GRM4: variants seen among roughly 807,000 people sequenced by gnomAD.
The protein encoded by GRM4 is glutamate metabotropic receptor 4.
Under a neutral mutation model 81.7 loss-of-function variants are expected in GRM4, and 28 were observed. The observed-to-expected ratio is 0.34, with a 90% CI of 0.25 to 0.47. The LOEUF is 0.47. Ranked by LOEUF, GRM4 falls within the 20% of genes least tolerant of loss-of-function variation. GRM4 has a pLI of 1.00. For missense variants in GRM4, 948 were observed against 1,290.0 expected, an observed-to-expected ratio of 0.73 and a Z score of 4.06; for synonymous variants, 488 against 528.8, an observed-to-expected ratio of 0.92 and a Z score of 1.06.
chr6:34,041,653 A>G (rs12111392), intron 6 of GRM4, among the ~76,000 whole-genome samples: 53,557 of 152,012 alleles, frequency 0.35, 12,139 homozygotes, highest in African/African-American at 0.65. Context: ...AAAACACTTG[A>G]CAGCCAGCAG....
In GRM4 at chr6:34,115,556, G is replaced by A. The variant is rs1216455335; in HGVS notation, c.519+17422C>T. Among the ~76,000 whole-genome samples the A allele has an allele frequency of 2.0e-5, 3 of 152,128 alleles. No homozygotes were observed. Among genetic ancestry groups the A allele is most frequent in the Non-Finnish European group, 2.9e-5 (2 of 68,034 alleles). ...GGACCTTGGACAGCAGCCTCCAGGG[G>A]TCTGCCCGAAGACACTCGGCAAACC... On this transcript the variant is annotated intron_variant, in intron 2 of 10. Coordinates refer to ENST00000538487, the MANE Select transcript of GRM4 (RefSeq NM_000841.4). This position sits in a 1 kb window ranked among gnomAD's most constrained non-coding sequence, Gnocchi z 4.1.
rs1766766020 is a variant in GRM4, at chr6:34,070,548, C to T, written c.737-8520G>A. Among the ~76,000 whole-genome samples, 1 of 151,928 alleles carries T rather than the reference C, an allele frequency of 6.6e-6. No individual in the cohort carries two copies. The highest frequency in any genetic ancestry group is 6.6e-5 in the Admixed American group (1 of 15,254). On this transcript the variant is annotated intron_variant, in intron 3 of 10. Transcript: ENST00000538487. The surrounding 1 kb of genome is among the most constrained non-coding windows in gnomAD (Gnocchi z 4.6). ...TAGTGGTGTTTGTGCAGGTCTGCCC[C>T]CTGGAGCCAACACCTCTGGGGAGCG...
rs201101810 is a variant in GRM4 at position 34,035,731 on chromosome 6, G to A, written c.2379C>T (p.Thr793=). Residue 793 remains threonine (T), a synonymous_variant, in exon 9 of 11, where the codon ACC becomes ACT. Coordinates refer to ENST00000538487, the MANE Select transcript of GRM4 (RefSeq NM_000841.4). This position sits in a 1 kb window ranked among gnomAD's most constrained non-coding sequence, Gnocchi z 6.6. ...TGAAGGCCAGCCAGACGATGCAAGT[G>A]GTGTACATGGTGAAGCCAATGGGCT... is the stretch of plus-strand genomic sequence containing the variant. The part of the protein sequence containing the change: ...EAKPIGFTMY[T]TCIVWLAFIP... 58 of 1,606,234 alleles carry A rather than the reference G, an allele frequency of 3.6e-5. No individual in the cohort carries two copies. The East Asian group carries it at 1.2e-3, about 32-fold the overall frequency.
rs1023712960 is a variant in GRM4, at chr6:34,092,445, G to A, written c.520-346C>T. On this transcript the variant is annotated intron_variant, in intron 2 of 10. Coordinates refer to ENST00000538487, the MANE Select transcript of GRM4 (RefSeq NM_000841.4). This position sits in a 1 kb window ranked among gnomAD's most constrained non-coding sequence, Gnocchi z 6.8. The stretch of plus-strand genomic sequence containing the variant: ...CATACGTGAGATGATTCAGCCTGGG[G>A]ATGGGGTGGGATTTGGGTGTTGGGA... 2.0e-5 allele frequency among the ~76,000 whole-genome samples: 3 copies of A among 152,176 alleles called. No individual in the cohort carries two copies. The highest frequency in any genetic ancestry group is 6.5e-5 in the Admixed American group (1 of 15,282).
intron 2 of GRM4, among the ~76,000 whole-genome samples, chr6:34,107,321 C>A (rs1477818058): frequency 1.3e-5 from 2 of 152,138 alleles, no homozygotes; most frequent in Admixed American, 1.3e-4. Context: ...ATGGCTCCAC[C>A]CCATGATGGA....
At chr6:34,085,640 T>C (rs1767844551) in intron 3 of GRM4, among the ~76,000 whole-genome samples, 1 of 152,138 alleles carries the variant, frequency 6.6e-6, no homozygotes, top group African/African-American at 2.4e-5. Flanking sequence ...AATTAACCAT[T>C]CATTCAACAA....
intron 10 of GRM4, among the ~76,000 whole-genome samples, chr6:34,026,951 C>G (rs1246798536): frequency 6.6e-6 from 1 of 152,180 alleles, no homozygotes; most frequent in Non-Finnish European, 1.5e-5. Flanking sequence ...AAAACTGGAA[C>G]AGGGAGAGGG....
rs1272932384 is a variant in GRM4 at position 34,114,821 on chromosome 6, C to T, written c.519+18157G>A. On this transcript the variant is annotated intron_variant, in intron 2 of 10. Coordinates refer to ENST00000538487, the MANE Select transcript of GRM4 (RefSeq NM_000841.4). This position sits in a 1 kb window ranked among gnomAD's most constrained non-coding sequence, Gnocchi z 4.3. The stretch of plus-strand genomic sequence containing the variant: ...GTGGCAAATCACATGCCCATCACAC[C>T]TCCCCATCCAGGAAGGACCCAGATT... Among the ~76,000 whole-genome samples, 1 of 152,180 alleles carries T rather than the reference C, an allele frequency of 6.6e-6. No individual in the cohort carries two copies. The highest frequency in any genetic ancestry group is 1.5e-5 in the Non-Finnish European group (1 of 68,036).
intron 1 of GRM4, among the ~76,000 whole-genome samples, chr6:34,141,632 C>T (rs1475669602): frequency 6.6e-6 from 1 of 151,134 alleles, no homozygotes; most frequent in African/African-American, 2.4e-5. Context: ...TTCCAAGGAG[C>T]CAAGAGAAAC....
rs182300401 is a variant in GRM4, at chr6:34,051,906, T to G, written c.1168+4638A>C. On this transcript the variant is annotated intron_variant, in intron 6 of 10. Transcript: ENST00000538487. Reference sequence around the variant, plus strand: ...CGAGGCCCCCAGAGGTGAGGTAACCTGCCCAAGGCCACGTGGCTGGGAAGT... The same window carrying G: ...CGAGGCCCCCAGAGGTGAGGTAACCGGCCCAAGGCCACGTGGCTGGGAAGT... Among the ~76,000 whole-genome samples the G allele has an allele frequency of 2.2e-3, 335 of 152,308 alleles. 2 individuals carry two copies. Among genetic ancestry groups the G allele is most frequent in the Non-Finnish European group, 4.2e-3 (284 of 68,008 alleles).
upstream of GRM4, chr6:34,146,152 C>T (rs1431867289): frequency 1.0e-6 from 1 of 985,300 alleles, no homozygotes; most frequent in African/African-American, 1.7e-5. Flanking sequence ...CCTCACACAT[C>T]CGCGCGCACG....
intron 3 of GRM4, among the ~76,000 whole-genome samples, chr6:34,084,740 G>A (rs1486925722): frequency 6.6e-6 from 1 of 152,100 alleles, no homozygotes; most frequent in Non-Finnish European, 1.5e-5. Context: ...GCCTCTCATC[G>A]CTTCCATCTG....
rs1377236269 is a variant in GRM4 at position 34,020,520 on chromosome 6, C to T, written c.*2301G>A. On this transcript the variant is annotated 3_prime_UTR_variant, in exon 11 of 11. Transcript: ENST00000538487. ...CTGCACCCGCTTCTGCATTCCCCATCCCTACCCCCCACCCCCCCACCCCCA... is the reference window on the plus strand; with the variant it reads ...CTGCACCCGCTTCTGCATTCCCCATTCCTACCCCCCACCCCCCCACCCCCA... 7.0e-6 allele frequency: 1 copy of T among 143,270 alleles called. No individual in the cohort carries two copies. The highest frequency in any genetic ancestry group is 2.3e-4 in the East Asian group (1 of 4,398). The allele number at this position is 143,270 out of a possible 1,614,324, so 8.9% of individuals were successfully genotyped here.
At chr6:34,143,113 G>C (rs1394973633) in intron 1 of GRM4, among the ~76,000 whole-genome samples, 1 of 152,198 alleles carries the variant, frequency 6.6e-6, no homozygotes, top group Admixed American at 6.5e-5. Context: ...GGGGTGTGGG[G>C]GGGATAACTT....
chr6:34,040,077 G>A lies in GRM4; in HGVS notation c.1506+101C>T, dbSNP rs573211985. The stretch of plus-strand genomic sequence containing the variant: ...GCCCCAGCCTGGCAGCAGCGGTCCT[G>A]GAGGTCAGGGCTAATCAGCAGCAGC... On this transcript the variant is annotated intron_variant, in intron 8 of 10. Coordinates refer to ENST00000538487, the MANE Select transcript of GRM4 (RefSeq NM_000841.4). 1.6e-5 allele frequency: 19 copies of A among 1,182,256 alleles called. No homozygotes were observed. In the South Asian group the frequency reaches 2.3e-4, roughly 14 times the overall value. 73.2% of individuals were successfully genotyped at this position (1,182,256 alleles called of 1,614,324 possible).
At chr6:34,085,813 G>A (rs893295302) in intron 3 of GRM4, among the ~76,000 whole-genome samples, 23 of 152,200 alleles carry the variant, frequency 1.5e-4, no homozygotes, top group African/African-American at 5.3e-4. Context: ...TACGGGGACT[G>A]GAGAGTAGGA....
chr6:34,143,163 C>G (rs903867854), intron 1 of GRM4, among the ~76,000 whole-genome samples: 1 of 152,090 alleles, frequency 6.6e-6, no homozygotes, highest in Non-Finnish European at 1.5e-5. Context: ...AAGGTATTGG[C>G]AGGTAGGCAA....
intron 2 of GRM4, among the ~76,000 whole-genome samples, chr6:34,116,620 C>A (rs1016079875): frequency 2.0e-5 from 3 of 152,160 alleles, no homozygotes; most frequent in Non-Finnish European, 4.4e-5. Flanking sequence ...CCTCCTAAAG[C>A]TAATCATTCA....
rs906528131 is a variant in GRM4 at position 34,080,475 on chromosome 6, C to T, written c.736+11408G>A. Among the ~76,000 whole-genome samples, 2 of 152,226 alleles carry T rather than the reference C, an allele frequency of 1.3e-5. No homozygotes were observed. The highest frequency in any genetic ancestry group is 2.9e-5 in the Non-Finnish European group (2 of 68,040). ...ACGGCCGTACCCCAGTGTCCTGGTC[C>T]AATGCCTGGCACATAGTCAGTGCTC... is the stretch of plus-strand genomic sequence containing the variant. On this transcript the variant is annotated intron_variant, in intron 3 of 10. Transcript: ENST00000538487. This position sits in a 1 kb window ranked among gnomAD's most constrained non-coding sequence, Gnocchi z 5.4.
Sources: gnomAD v4.1 joint callset for allele counts (sites outside exome capture counted in the v4.1 genomes callset) on GRCh38, gnomAD v4.1.1 for gene constraint, Gnocchi (gnomAD v3.1) non-coding constraint, MANE v1.5 for transcripts, NCBI Gene and HGNC (gene_info 2026-07-23, HGNC 2026-07-21) for gene names.